PRR16: variants seen among roughly 807,000 people sequenced by gnomAD.
PRR16 encodes proline rich 16, also known as protein Largen.
In PRR16, 6 loss-of-function variants were observed where a neutral mutation model predicts 18.2. The ratio of observed to expected loss-of-function variants is 0.33; its 90% CI spans 0.18 to 0.65. The LOEUF (loss-of-function observed/expected upper bound fraction) is 0.65, where lower values mean the gene tolerates loss of function less well. Among genes scored for constraint, PRR16 ranks in the 30% least tolerant of loss-of-function variants. The probability of loss-of-function intolerance (pLI) is 0.74; values close to 1 mark genes in which losing one functional copy is unlikely to be tolerated. For synonymous variants in PRR16, 151 were observed against 147.8 expected, an observed-to-expected ratio of 1.02 and a Z score of -0.16; for missense variants, 412 against 376.6, an observed-to-expected ratio of 1.09 and a Z score of -0.78.
the PRR16 span, among the ~76,000 whole-genome samples, chr5:120,725,353 C>G: frequency 6.7e-6 from 1 of 148,924 alleles, no homozygotes; most frequent in Non-Finnish European, 1.5e-5. Context: ...ATCTGACACA[C>G]AGCGCATCTT....
At chr5:120,681,630 A>T (rs1034251156) in intron 1 of PRR16, among the ~76,000 whole-genome samples, 1 of 152,078 alleles carries the variant, frequency 6.6e-6, no homozygotes, top group Non-Finnish European at 1.5e-5. Flanking sequence ...CTGAATTTTC[A>T]TTTATCAATA....
intron 1 of PRR16, among the ~76,000 whole-genome samples, chr5:120,563,180 G>A: frequency 6.6e-6 from 1 of 152,082 alleles, no homozygotes; most frequent in East Asian, 1.9e-4. Flanking sequence ...CTTTTCTTAT[G>A]CTGAGTCAGA....
chr5:120,588,651 G>A (rs1216935976), intron 1 of PRR16, among the ~76,000 whole-genome samples: 1 of 152,084 alleles, frequency 6.6e-6, no homozygotes, highest in East Asian at 1.9e-4. Flanking sequence ...TATGCAGTGG[G>A]AAACAGAAAA....
intron 1 of PRR16, among the ~76,000 whole-genome samples, chr5:120,487,706 G>A (rs973806196): frequency 3.3e-5 from 5 of 152,144 alleles, no homozygotes; most frequent in African/African-American, 4.8e-5. Flanking sequence ...TGGTGAGAGA[G>A]GGCATCCCTG....
intron 1 of PRR16, among the ~76,000 whole-genome samples, chr5:120,590,975 T>C (rs534832684): frequency 1.3e-4 from 20 of 152,192 alleles, no homozygotes; most frequent in African/African-American, 4.8e-4. Flanking sequence ...CTGTTCTAAT[T>C]CAAATTAAAT....
intron 1 of PRR16, among the ~76,000 whole-genome samples, chr5:120,530,254 A>AATATATATATATATATATATATAT (rs3047950): frequency 6.6e-5 from 7 of 106,700 alleles, no homozygotes; most frequent in Admixed American, 1.0e-4. Flanking sequence ...AGTGTGTGTA[A>AATATATATATATATATATATATAT]ATATATATAT....
the PRR16 span, among the ~76,000 whole-genome samples, chr5:120,699,115 TG>T: frequency 4.0e-5 from 6 of 151,546 alleles, no homozygotes; most frequent in Non-Finnish European, 8.8e-5. Context: ...CAGTCCTGGG[TG>T]GGGGCAAATC....
chr5:120,487,476 G>A (rs1482169907), intron 1 of PRR16, among the ~76,000 whole-genome samples: 1 of 152,162 alleles, frequency 6.6e-6, no homozygotes, highest in African/African-American at 2.4e-5. Flanking sequence ...AAGAATGCTT[G>A]TGATTTTTGC....
chr5:120,487,214 T>A (rs1431423183), intron 1 of PRR16, among the ~76,000 whole-genome samples: 1 of 152,228 alleles, frequency 6.6e-6, no homozygotes. Flanking sequence ...AGGGATGGCA[T>A]TGAATCTATA....
chr5:120,579,069 A>G (rs556919981), intron 1 of PRR16, among the ~76,000 whole-genome samples: 2 of 152,008 alleles, frequency 1.3e-5, no homozygotes, highest in Non-Finnish European at 2.9e-5. Context: ...GTATCTTTTC[A>G]TATCCTTTGC....
At chr5:120,695,569 C>T in the PRR16 span, among the ~76,000 whole-genome samples, 1 of 152,172 alleles carries the variant, frequency 6.6e-6, no homozygotes, top group Non-Finnish European at 1.5e-5. Context: ...AGTTTCTACT[C>T]CATCCTGCCA....
chr5:120,753,900 A>C, the PRR16 span, among the ~76,000 whole-genome samples: 2 of 123,382 alleles, frequency 1.6e-5, no homozygotes, highest in Non-Finnish European at 3.3e-5. Flanking sequence ...TATAATATAT[A>C]TTTATAAATC....
rs1749752730 is a variant in PRR16 at position 120,485,128 on chromosome 5, G to T, written c.159+20483G>T. Among the ~76,000 whole-genome samples, 4 of 151,906 alleles carry T rather than the reference G, an allele frequency of 2.6e-5. No homozygotes were observed. The South Asian group carries it at 8.3e-4, about 32-fold the overall frequency. On this transcript the variant is annotated intron_variant, in intron 1 of 1. Coordinates refer to ENST00000407149, the MANE Select transcript of PRR16 (RefSeq NM_001300783.2). ...ACAATTTTGTTCGCATTTTAAATGA[G>T]CAGTTAAGCACTCCTAATTTACAAT... is the stretch of plus-strand genomic sequence containing the variant.
At chr5:120,542,428 A>G (rs950893207) in intron 1 of PRR16, among the ~76,000 whole-genome samples, 3 of 152,044 alleles carry the variant, frequency 2.0e-5, no homozygotes, top group African/African-American at 4.8e-5. Context: ...CACTATTAAC[A>G]TTTTCGTTAC....
chr5:120,561,629 G>C (rs886177429), intron 1 of PRR16, among the ~76,000 whole-genome samples: 56 of 152,032 alleles, frequency 3.7e-4, no homozygotes, highest in African/African-American at 1.4e-3. Flanking sequence ...TCTATGATAT[G>C]GTTTGGCTCT....
the PRR16 span, among the ~76,000 whole-genome samples, chr5:120,787,422 A>T: frequency 2.0e-5 from 3 of 152,170 alleles, no homozygotes; most frequent in African/African-American, 7.2e-5. Context: ...TTTAAAATAC[A>T]TTCCTTTAAT....
intron 1 of PRR16, among the ~76,000 whole-genome samples, chr5:120,526,316 C>T (rs1364789740): frequency 6.6e-6 from 1 of 152,148 alleles, no homozygotes; most frequent in African/African-American, 2.4e-5. Flanking sequence ...ATCTTAGCCT[C>T]TTGTTGTCAT....
chr5:120,732,297 G>T, the PRR16 span, among the ~76,000 whole-genome samples: 9 of 152,160 alleles, frequency 5.9e-5, no homozygotes, highest in Non-Finnish European at 1.3e-4. Context: ...CACGCTTAAC[G>T]TGAGTAGGAG....
chr5:120,778,184 TAAAA>T, the PRR16 span, among the ~76,000 whole-genome samples: 1 of 152,066 alleles, frequency 6.6e-6, no homozygotes, highest in East Asian at 1.9e-4. Context: ...TAATAGGTGT[TAAAA>T]AAAGACAGGT....
Sources: allele counts gnomAD v4.1 joint callset (sites outside exome capture counted in the v4.1 genomes callset), GRCh38; gene constraint gnomAD v4.1.1; transcripts MANE v1.5; gene names NCBI Gene and HGNC (gene_info 2026-07-23, HGNC 2026-07-21).